LDLRAP1: variants seen among roughly 807,000 people sequenced by gnomAD.
LDLRAP1 encodes low density lipoprotein receptor adapter protein 1.
A neutral mutation model predicts 37.8 loss-of-function variants in LDLRAP1; 30 were observed. The observed-to-expected ratio is 0.79, with a 90% CI of 0.59 to 1.08. The LOEUF (loss-of-function observed/expected upper bound fraction) is 1.08, where lower values mean the gene tolerates loss of function less well. Ranked by LOEUF, LDLRAP1 falls within the 50% of genes least tolerant of loss-of-function variation. The pLI, the probability that LDLRAP1 is intolerant of heterozygous loss-of-function variation, is 0.00. For missense variants in LDLRAP1, 375 were observed against 401.6 expected, an observed-to-expected ratio of 0.93 and a Z score of 0.57; for synonymous variants, 156 against 169.8, an observed-to-expected ratio of 0.92 and a Z score of 0.63.
rs765091260 is a variant in LDLRAP1 at position 25,568,598 on chromosome 1, T to G, written c.*1606T>G. 3 of 152,158 alleles carry G rather than the reference T, an allele frequency of 2.0e-5. No homozygotes were observed. Among genetic ancestry groups the G allele is most frequent in the Non-Finnish European group, 2.9e-5 (2 of 68,032 alleles). The allele number at this position is 152,158 out of a possible 1,614,324, so 9.4% of individuals were successfully genotyped here. The stretch of plus-strand genomic sequence containing the variant: ...GATTTGCAGGGTCATTATCAGAACA[T>G]GAGGATAACTTCCTTGCCCCTGCTC... On this transcript the variant is annotated 3_prime_UTR_variant, in exon 9 of 9. Transcript: ENST00000374338.
the LDLRAP1 span, among the ~76,000 whole-genome samples, chr1:25,586,585 CGTGT>C: frequency 0.093 from 13,677 of 147,062 alleles, 1,371 homozygotes; most frequent in East Asian, 0.24. This position sits in a 1 kb window ranked among gnomAD's most constrained non-coding sequence, Gnocchi z 4.3. Flanking sequence ...CGTGTGCGCG[CGTGT>C]GTGTGTGTGT....
At chr1:25,549,733 G>GTGGCTGGC (rs2044026058) in intron 1 of LDLRAP1, among the ~76,000 whole-genome samples, 1 of 148,494 alleles carries the variant, frequency 6.7e-6, no homozygotes. Flanking sequence ...GCCTCCGGCT[G>GTGGCTGGC]TGGCTGGCGA....
At chr1:25,563,190 T>C in intron 6 of LDLRAP1, 37 bp downstream of exon 6, 2 of 1,584,930 alleles carry the variant, frequency 1.3e-6, no homozygotes, top group Non-Finnish European at 1.7e-6. Context: ...GGCCATGCGG[T>C]GTTGGGGTTG....
Position 25,555,791 on chromosome 1 carries a change from C to T in LDLRAP1, c.344+819C>T, listed in dbSNP as rs946471128. ...CTGATCATACCTGCCTTCCTTTAGT[C>T]AACAGTTTCAGATACCTATTCTGCC... On this transcript the variant is annotated intron_variant, in intron 3 of 8. Coordinates refer to ENST00000374338, the MANE Select transcript of LDLRAP1 (RefSeq NM_015627.3). This position sits in a 1 kb window ranked among gnomAD's most constrained non-coding sequence, Gnocchi z 4.7. 3.3e-5 allele frequency among the ~76,000 whole-genome samples: 5 copies of T among 152,166 alleles called. No homozygotes were observed. Among genetic ancestry groups the T allele is most frequent in the Admixed American group, 3.3e-4 (5 of 15,280 alleles).
intron 1 of LDLRAP1, among the ~76,000 whole-genome samples, chr1:25,547,704 TC>T (rs775729538): frequency 5.9e-5 from 9 of 151,896 alleles, no homozygotes; most frequent in Middle Eastern, 3.2e-3. Context: ...CCTCAGCATC[TC>T]CAGCAGGCAG....
At chr1:25,585,622 A>G in the LDLRAP1 span, among the ~76,000 whole-genome samples, 7,874 of 152,194 alleles carry the variant, frequency 0.052, 669 homozygotes, top group African/African-American at 0.18. Context: ...ACTGTGCCTT[A>G]CGGAAGCTGG....
At chr1:25,551,832 A>G (rs1216076360) in intron 1 of LDLRAP1, among the ~76,000 whole-genome samples, 2 of 151,614 alleles carry the variant, frequency 1.3e-5, no homozygotes, top group Admixed American at 6.6e-5. Context: ...AGGGCTGGGG[A>G]TGGGATGGGG....
chr1:25,561,246 T>G (rs1008870920), intron 4 of LDLRAP1, among the ~76,000 whole-genome samples: 3 of 152,228 alleles, frequency 2.0e-5, no homozygotes, highest in East Asian at 1.9e-4. Context: ...GATTCAGATA[T>G]GACAGCTTAA....
Position 25,554,813 on chromosome 1 carries a change from T to G in LDLRAP1, c.232-47T>G. On this transcript the variant is annotated intron_variant, in intron 2 of 8. Transcript: ENST00000374338. This position sits in a 1 kb window ranked among gnomAD's most constrained non-coding sequence, Gnocchi z 5.4. ...GTGAAGTGTAAGCCATGAGGGTGGG[T>G]CTCAAGTGAGGCTGGCAGACTCCTC... The G allele has an allele frequency of 6.8e-7, 1 of 1,463,920 alleles. No individual in the cohort carries two copies. Among genetic ancestry groups the G allele is most frequent in the Non-Finnish European group, 9.5e-7 (1 of 1,049,100 alleles). The allele number at this position is 1,463,920 out of a possible 1,614,324, so 90.7% of individuals were successfully genotyped here.
chr1:25,578,685 T>TTATA, the LDLRAP1 span, among the ~76,000 whole-genome samples: 1 of 152,052 alleles, frequency 6.6e-6, no homozygotes, highest in South Asian at 2.1e-4. Context: ...CCTGGCTAAT[T>TTATA]TATATATTTT....
chr1:25,562,551 G>A (rs1287964934), intron 4 of LDLRAP1, 93 bp from the exon 5 acceptor site: 1 of 1,046,266 alleles, frequency 9.6e-7, no homozygotes, highest in South Asian at 1.3e-5. Flanking sequence ...AGGGAGCCAG[G>A]GGGCCTGGCC....
intron 1 of LDLRAP1, among the ~76,000 whole-genome samples, chr1:25,549,479 C>T (rs1451684014): frequency 1.3e-5 from 2 of 152,202 alleles, no homozygotes; most frequent in Non-Finnish European, 2.9e-5. Flanking sequence ...GTTGGGGGAC[C>T]TTAACAAGGA....
At chr1:25,582,325 G>A in the LDLRAP1 span, among the ~76,000 whole-genome samples, 97 of 152,206 alleles carry the variant, frequency 6.4e-4, no homozygotes, top group Non-Finnish European at 1.2e-3. Context: ...GGTGGCTCAC[G>A]CCTGTAATCC....
downstream of LDLRAP1, among the ~76,000 whole-genome samples, chr1:25,571,008 C>G (rs1439541998): frequency 6.6e-6 from 1 of 152,196 alleles, no homozygotes; most frequent in East Asian, 1.9e-4. Context: ...GAAGGAGGAT[C>G]AACAAGTTGA....
downstream of LDLRAP1, among the ~76,000 whole-genome samples, chr1:25,569,511 C>T (rs529589368): frequency 5.3e-5 from 8 of 152,256 alleles, no homozygotes; most frequent in South Asian, 4.2e-4. Flanking sequence ...TTGATTTTCC[C>T]GTCTGTGAAA....
At chr1:25,588,759 T>G in the LDLRAP1 span, among the ~76,000 whole-genome samples, 1 of 152,138 alleles carries the variant, frequency 6.6e-6, no homozygotes, top group Non-Finnish European at 1.5e-5. Context: ...CTTTTCCAAG[T>G]CTCTCGTTCC....
Position 25,566,714 on chromosome 1 carries a change from C to A in LDLRAP1, c.783-134C>A. The A allele has an allele frequency of 5.6e-6, 6 of 1,080,676 alleles. No homozygotes were observed. In the South Asian group the frequency reaches 8.4e-5, roughly 15 times the overall value. The allele number at this position is 1,080,676 out of a possible 1,614,324, so 66.9% of individuals were successfully genotyped here. A position where few individuals can be genotyped will look rare whatever the true frequency, so the allele number is the denominator to read the frequency against. ...GGAGGTGCTTTGATCTGAGGTTACT[C>A]CACCTCCCCTGCACCGGGGGCTTCC... is the stretch of plus-strand genomic sequence containing the variant. On this transcript the variant is annotated intron_variant, in intron 8 of 8. Transcript: ENST00000374338.
At position 25,567,266 on chromosome 1, in the gene LDLRAP1, G is replaced by A. The variant is rs560503354; in HGVS notation, c.*274G>A. The A allele has an allele frequency of 1.7e-5, 9 of 517,494 alleles. No homozygotes were observed. The highest frequency in any genetic ancestry group is 6.1e-5 in the Admixed American group (2 of 32,794). 32.1% of individuals were successfully genotyped at this position (517,494 alleles called of 1,614,324 possible). A position where few individuals can be genotyped will look rare whatever the true frequency, so the allele number is the denominator to read the frequency against. On this transcript the variant is annotated 3_prime_UTR_variant, in exon 9 of 9. Transcript: ENST00000374338. ...CTGCGTCAGGCACGTCTCCTGCTGC[G>A]TGACATGTGCAGTGCTGTAATCGGC... is the stretch of plus-strand genomic sequence containing the variant.
At chr1:25,585,515 C>G in the LDLRAP1 span, among the ~76,000 whole-genome samples, 1 of 152,154 alleles carries the variant, frequency 6.6e-6, no homozygotes, top group Non-Finnish European at 1.5e-5. Context: ...TTAGTAGAGA[C>G]AGGGTTTCAC....
Sources: allele counts gnomAD v4.1 joint callset (sites outside exome capture counted in the v4.1 genomes callset), GRCh38; gene constraint gnomAD v4.1.1; non-coding constraint Gnocchi (gnomAD v3.1); transcripts MANE v1.5; gene names NCBI Gene and HGNC (gene_info 2026-07-23, HGNC 2026-07-21).